The following BACE2 variants were observed in gnomAD, a reference collection of about 807,000 sequenced individuals.
BACE2 encodes 56 kDa aspartic-like protease.
BACE2 carries 17 observed loss-of-function variants against 46.2 expected under a neutral mutation model. That is an observed-to-expected ratio of 0.37 (90% confidence interval 0.25 to 0.55). The LOEUF (loss-of-function observed/expected upper bound fraction) is 0.55, where lower values mean the gene tolerates loss of function less well. Among genes scored for constraint, BACE2 ranks in the 20% least tolerant of loss-of-function variants. The probability of loss-of-function intolerance (pLI) is 0.82; values close to 1 mark genes in which losing one functional copy is unlikely to be tolerated. For missense variants in BACE2, 595 were observed against 698.1 expected, an observed-to-expected ratio of 0.85 and a Z score of 1.66; for synonymous variants, 277 against 295.9, an observed-to-expected ratio of 0.94 and a Z score of 0.66.
intron 4 of BACE2, among the ~76,000 whole-genome samples, chr21:41,242,864 G>A (rs1159418944): frequency 6.6e-6 from 1 of 152,064 alleles, no homozygotes; most frequent in African/African-American, 2.4e-5. Flanking sequence ...TCTGACCTTT[G>A]CAGACGTGGA....
At chr21:41,205,706 C>T (rs1601264374) in intron 1 of BACE2, among the ~76,000 whole-genome samples, 1 of 152,010 alleles carries the variant, frequency 6.6e-6, no homozygotes, top group East Asian at 1.9e-4. Flanking sequence ...GAGTGGAAAA[C>T]CTCACATGAA....
At chr21:41,216,612 G>A (rs141045888) in intron 1 of BACE2, among the ~76,000 whole-genome samples, 193 of 152,322 alleles carry the variant, frequency 1.3e-3, no homozygotes, top group South Asian at 2.3e-3. Flanking sequence ...AACGAGCTCC[G>A]GTCATGAGGC....
chr21:41,215,365 G>A (rs1457425042), intron 1 of BACE2, among the ~76,000 whole-genome samples: 1 of 152,152 alleles, frequency 6.6e-6, no homozygotes, highest in African/African-American at 2.4e-5. Flanking sequence ...GCAGGTCCTG[G>A]TGGACAGGCC....
At chr21:41,228,045 T>G (rs976768906) in intron 2 of BACE2, among the ~76,000 whole-genome samples, 4 of 152,210 alleles carry the variant, frequency 2.6e-5, no homozygotes, top group East Asian at 3.8e-4. Flanking sequence ...GTTCAAGCTT[T>G]GAGGCCAGCA....
intron 8 of BACE2, among the ~76,000 whole-genome samples, chr21:41,274,176 C>T (rs138339628): frequency 7.2e-5 from 11 of 152,032 alleles, no homozygotes; most frequent in Admixed American, 5.9e-4. Flanking sequence ...CCTCTGTTCT[C>T]GGTGTTGGCA....
intron 1 of BACE2, among the ~76,000 whole-genome samples, chr21:41,200,534 C>T (rs974460613): frequency 6.6e-6 from 1 of 152,194 alleles, no homozygotes; most frequent in Non-Finnish European, 1.5e-5. Flanking sequence ...CTTCCCTGCA[C>T]TGTGCTAGCC....
chr21:41,207,333 G>T (rs1986160276), intron 1 of BACE2, among the ~76,000 whole-genome samples: 1 of 152,128 alleles, frequency 6.6e-6, no homozygotes, highest in South Asian at 2.1e-4. Flanking sequence ...AAGTATGAAG[G>T]TCAGAGCTCT....
chr21:41,197,481 TCTC>T (rs1055576801), intron 1 of BACE2, among the ~76,000 whole-genome samples: 18 of 152,096 alleles, frequency 1.2e-4, no homozygotes, highest in African/African-American at 4.1e-4. Context: ...AAGCGTAACA[TCTC>T]CTGCTGTGGA....
In BACE2 at chr21:41,262,339, T is replaced by C. The variant is rs185515132; in HGVS notation, c.1303+5013T>C. Among the ~76,000 whole-genome samples the C allele has an allele frequency of 1.1e-3, 166 of 152,310 alleles. 1 individual carries two copies. Among genetic ancestry groups the C allele is most frequent in the African/African-American group, 3.8e-3 (157 of 41,592 alleles). On this transcript the variant is annotated intron_variant, in intron 8 of 8. Transcript: ENST00000330333. The stretch of plus-strand genomic sequence containing the variant: ...ATGAATTTTAATAGCATCTTTGTCA[T>C]GTACCAAGTCCCCATTTATGCCTGA...
chr21:41,261,984 C>A (rs1407428129), intron 8 of BACE2, among the ~76,000 whole-genome samples: 3 of 152,024 alleles, frequency 2.0e-5, no homozygotes, highest in African/African-American at 7.2e-5. Flanking sequence ...TGACTTTCAC[C>A]CCTAAATATT....
chr21:41,218,692 A>T (rs761976918), intron 1 of BACE2, among the ~76,000 whole-genome samples: 70 of 152,224 alleles, frequency 4.6e-4, no homozygotes, highest in Admixed American at 1.7e-3. Context: ...AATGGAAGGA[A>T]ATTCTGACAG....
chr21:41,244,837 C>T (rs939964354), intron 5 of BACE2, among the ~76,000 whole-genome samples: 2 of 151,694 alleles, frequency 1.3e-5, no homozygotes, highest in African/African-American at 2.4e-5. Flanking sequence ...ATCGAATGTC[C>T]GAATGTAAAA....
chr21:41,194,547 G>A (rs1985677662), intron 1 of BACE2, among the ~76,000 whole-genome samples: 1 of 152,228 alleles, frequency 6.6e-6, no homozygotes, highest in Non-Finnish European at 1.5e-5. Flanking sequence ...GTCAAGTGTG[G>A]CCAAGATAAT....
intron 8 of BACE2, among the ~76,000 whole-genome samples, chr21:41,260,088 C>T (rs527887193): frequency 1.3e-5 from 2 of 151,966 alleles, no homozygotes; most frequent in Non-Finnish European, 2.9e-5. Context: ...CCGGCCCCGC[C>T]GTGGCCTCCC....
intron 2 of BACE2, among the ~76,000 whole-genome samples, chr21:41,232,933 A>T (rs1176408575): frequency 1.3e-5 from 2 of 148,792 alleles, no homozygotes; most frequent in African/African-American, 2.5e-5. Context: ...CAGTGGCACG[A>T]TATCGGCTCA....
chr21:41,275,579 GGTC>G lies in BACE2; in HGVS notation c.1516_1518del (p.Val506del). ...GTCAGCGTCGCCCCCGTGACCCTGA[GGTC>G]GTCAATGATGAGTCCTCTCTGGTCA... On this transcript the variant is annotated inframe_deletion, in exon 9 of 9. Coordinates refer to ENST00000330333, the MANE Select transcript of BACE2 (RefSeq NM_012105.5). The G allele has an allele frequency of 1.1e-5, 17 of 1,614,030 alleles. No homozygotes were observed. Among genetic ancestry groups the G allele is most frequent in the Non-Finnish European group, 1.4e-5 (17 of 1,180,022 alleles).
chr21:41,196,991 C>T (rs2123521839), intron 1 of BACE2, among the ~76,000 whole-genome samples: 1 of 152,228 alleles, frequency 6.6e-6, no homozygotes, highest in East Asian at 1.9e-4. Context: ...GAGACAGGGT[C>T]TCACTCTGTC....
chr21:41,197,282 T>G (rs549218533), intron 1 of BACE2, among the ~76,000 whole-genome samples: 19 of 151,938 alleles, frequency 1.3e-4, no homozygotes, highest in East Asian at 7.7e-4. Context: ...TTTGTTTTTT[T>G]TTTTTTTTAA....
rs1250068831 is a variant in BACE2 at position 41,168,243 on chromosome 21, C to T, written c.-21C>T. On this transcript the variant is annotated 5_prime_UTR_variant, in exon 1 of 9. Transcript: ENST00000330333. ...ACGGGACCGGCTAGGCTGGGCGCGC[C>T]CCCCGGGCCCCGCCGTGGGCATGGG... The T allele has an allele frequency of 6.1e-6, 7 of 1,146,244 alleles. No homozygotes were observed. The highest frequency in any genetic ancestry group is 3.6e-4 in the Middle Eastern group (1 of 2,798). The allele number at this position is 1,146,244 out of a possible 1,614,324, so 71.0% of individuals were successfully genotyped here.
Sources: gnomAD v4.1 joint callset for allele counts (sites outside exome capture counted in the v4.1 genomes callset) on GRCh38, gnomAD v4.1.1 for gene constraint, MANE v1.5 for transcripts, NCBI Gene and HGNC (gene_info 2026-07-23, HGNC 2026-07-21) for gene names.